SHOX: variants seen among roughly 807,000 people sequenced by gnomAD.
The protein encoded by SHOX is SHOX homeobox, also known as short stature homeobox protein.
SHOX carries 12 observed loss-of-function variants against 29.6 expected under a neutral mutation model. The observed-to-expected ratio is 0.41, with a 90% CI of 0.26 to 0.66. The LOEUF (loss-of-function observed/expected upper bound fraction) is 0.66. Ranked by LOEUF, SHOX falls within the 30% of genes least tolerant of loss-of-function variation. SHOX has a pLI of 0.35. For missense variants in SHOX, 499 were observed against 437.7 expected, an observed-to-expected ratio of 1.14 and a Z score of -1.25; for synonymous variants, 214 against 200.6, an observed-to-expected ratio of 1.07 and a Z score of -0.57.
upstream of SHOX, among the ~76,000 whole-genome samples, chrX:627,955 G>C (rs1408009532): frequency 1.3e-5 from 2 of 152,150 alleles, no homozygotes; most frequent in Non-Finnish European, 2.9e-5. Flanking sequence ...CAGAGGCAGA[G>C]ATGGGGAGGC....
chrX:635,626 G>C (rs1205500431), intron 2 of SHOX, among the ~76,000 whole-genome samples: 2 of 152,236 alleles, frequency 1.3e-5, no homozygotes, highest in African/African-American at 4.8e-5. Context: ...TGCCCCATGA[G>C]ACCAGGCACT....
Position 651,386 on chromosome X carries a change from G to A in SHOX, c.*6750G>A. ...TGTTATTGTCGGCAGGCGGTGAGGG[G>A]TAGAAAAAAAACAAACAAACAAACA... On this transcript the variant is annotated 3_prime_UTR_variant, in exon 5 of 5. Transcript: ENST00000686671. 2.2e-6 allele frequency: 1 copy of A among 449,902 alleles called. No homozygotes were observed. The highest frequency in any genetic ancestry group is 1.6e-5 in the South Asian group (1 of 63,684). 27.9% of individuals were successfully genotyped at this position (449,902 alleles called of 1,614,324 possible).
At chrX:652,340 A>ATTTTT (rs746162755), downstream of SHOX, among the ~76,000 whole-genome samples, 2 of 135,160 alleles carry the variant, frequency 1.5e-5, no homozygotes, top group African/African-American at 2.8e-5. Flanking sequence ...AAAATGACAA[A>ATTTTT]TTTTTTTTTT....
At chrX:627,551 G>A (rs1250946621), upstream of SHOX, among the ~76,000 whole-genome samples, 2 of 152,226 alleles carry the variant, frequency 1.3e-5, no homozygotes, top group Admixed American at 1.3e-4. Context: ...GGCAGAAAGT[G>A]TGCCATGAAT....
intron 4 of SHOX, among the ~76,000 whole-genome samples, chrX:643,486 CCTTGGGGACCTGGTGACCTTGGAGAGG>C (rs2052901471): frequency 1.9e-5 from 2 of 104,776 alleles, no homozygotes; most frequent in East Asian, 3.1e-4. Context: ...CTGGGGAGAG[CCTTGGGGACCTGGTGACCTTGGAGAGG>C]CTTGGGGACC....
In SHOX at chrX:644,654, C is replaced by G. The variant is rs770319928; in HGVS notation, c.*18C>G. 1.4e-6 allele frequency: 2 copies of G among 1,441,362 alleles called. No individual in the cohort carries two copies. The highest frequency in any genetic ancestry group is 1.4e-5 in the South Asian group (1 of 71,076). 89.3% of individuals were successfully genotyped at this position (1,441,362 alleles called of 1,614,324 possible). A position where few individuals can be genotyped will look rare whatever the true frequency, so the allele number is the denominator to read the frequency against. On this transcript the variant is annotated 3_prime_UTR_variant, in exon 5 of 5. Coordinates refer to ENST00000686671, the MANE Select transcript of SHOX (RefSeq NM_000451.4). The stretch of plus-strand genomic sequence containing the variant: ...GGCTCTGACCCGCCGCGCAGCCCCC[C>G]GCGCGCCCGGACTCCCGGGCTCCGC...
downstream of SHOX, among the ~76,000 whole-genome samples, chrX:655,414 C>G (rs2053123256): frequency 6.6e-6 from 1 of 151,252 alleles, no homozygotes; most frequent in African/African-American, 2.4e-5. Context: ...AGACCAGCCT[C>G]AGCAACAAAG....
chrX:630,827 G>T lies in SHOX; in HGVS notation c.-71G>T. On this transcript the variant is annotated 5_prime_UTR_variant, in exon 1 of 5. Coordinates refer to ENST00000686671, the MANE Select transcript of SHOX (RefSeq NM_000451.4). ...CGCTGGTGATCCACCCGCGCGCACGGGCCGTCCTCTCCGCGCGGGGAGACG... is the reference window on the plus strand; with the variant it reads ...CGCTGGTGATCCACCCGCGCGCACGTGCCGTCCTCTCCGCGCGGGGAGACG... 3.8e-6 allele frequency: 6 copies of T among 1,584,036 alleles called. No homozygotes were observed. Among genetic ancestry groups the T allele is most frequent in the Non-Finnish European group, 5.2e-6 (6 of 1,156,612 alleles).
chrX:644,931 C>A lies in SHOX; in HGVS notation c.*295C>A. The A allele has an allele frequency of 2.4e-6, 1 of 419,838 alleles. No homozygotes were observed. 26.0% of individuals were successfully genotyped at this position (419,838 alleles called of 1,614,324 possible). A position where few individuals can be genotyped will look rare whatever the true frequency, so the allele number is the denominator to read the frequency against. ...TGGGACCCTGGAGAAGGGTAAACCC[C>A]CGCCTGGCTGCGTCTTCCTCTGCTA... On this transcript the variant is annotated 3_prime_UTR_variant, in exon 5 of 5. Transcript: ENST00000686671.
chrX:635,117 T>G (rs2052722471), intron 2 of SHOX, among the ~76,000 whole-genome samples: 1 of 152,112 alleles, frequency 6.6e-6, no homozygotes, highest in Non-Finnish European at 1.5e-5. Context: ...TTGTATATAT[T>G]ATAGATATTT....
In SHOX at chrX:651,091, G is replaced by A. The variant is rs1475188765; in HGVS notation, c.*6455G>A. ...CCCTGCTTCTTACTTTGTGATGTAT[G>A]TGCATTTGTTATTTATTTTTTTTTC... On this transcript the variant is annotated 3_prime_UTR_variant, in exon 5 of 5. Transcript: ENST00000686671. Among the ~76,000 whole-genome samples, 1 of 136,320 alleles carries A rather than the reference G, an allele frequency of 7.3e-6. No individual in the cohort carries two copies. Among genetic ancestry groups the A allele is most frequent in the African/African-American group, 2.7e-5 (1 of 37,070 alleles). 89.4% of individuals were successfully genotyped at this position (136,320 alleles called of 152,430 possible).
At chrX:638,707 C>G (rs1407730477) in intron 2 of SHOX, among the ~76,000 whole-genome samples, 1 of 152,194 alleles carries the variant, frequency 6.6e-6, no homozygotes, top group Non-Finnish European at 1.5e-5. Context: ...CTGGCTGCTC[C>G]CAAACTCTGA....
intron 2 of SHOX, among the ~76,000 whole-genome samples, chrX:635,082 T>G (rs1213108013): frequency 6.6e-6 from 1 of 152,012 alleles, no homozygotes; most frequent in Admixed American, 6.5e-5. Flanking sequence ...AACAAATAAA[T>G]ATATATGTTA....
At chrX:640,675 G>A (rs1359725880) in intron 2 of SHOX, 146 bp from the exon 3 acceptor site, 14 of 819,252 alleles carry the variant, frequency 1.7e-5, no homozygotes, top group East Asian at 1.2e-4. Flanking sequence ...ACAGAGGGGC[G>A]GTAAGTGTCT....
chrX:634,572 C>G (rs778034300), intron 1 of SHOX, 46 bp from the exon 2 acceptor site: 2 of 1,604,204 alleles, frequency 1.2e-6, no homozygotes, highest in Non-Finnish European at 1.7e-6. Flanking sequence ...CCACGTTGCG[C>G]AAAACCTCCC....
intron 2 of SHOX, among the ~76,000 whole-genome samples, chrX:639,260 C>T (rs2052808305): frequency 6.6e-6 from 1 of 152,336 alleles, no homozygotes; most frequent in South Asian, 2.1e-4. Flanking sequence ...AATGCCCCCA[C>T]CACAAAGCCT....
intron 1 of SHOX, among the ~76,000 whole-genome samples, 186 bp from the exon 2 acceptor site, chrX:634,432 G>C (rs1030130013): frequency 2.0e-5 from 3 of 152,356 alleles, no homozygotes; most frequent in Middle Eastern, 3.4e-3. Context: ...CTCGTGCAAA[G>C]CCCAGGTTTT....
At position 648,778 on chromosome X, in the gene SHOX, C is replaced by T. The variant is rs2053000787; in HGVS notation, c.*4142C>T. Among the ~76,000 whole-genome samples the T allele has an allele frequency of 1.3e-5, 2 of 151,934 alleles. No homozygotes were observed. The highest frequency in any genetic ancestry group is 6.6e-5 in the Admixed American group (1 of 15,228). On this transcript the variant is annotated 3_prime_UTR_variant, in exon 5 of 5. Transcript: ENST00000686671. ...GTGATCCCTGAATGAGTGTGGGGTA[C>T]GTGTATGCTAGCTGCTTCTTTCTCC...
downstream of SHOX, among the ~76,000 whole-genome samples, chrX:654,665 G>A (rs1450105532): frequency 6.6e-6 from 1 of 152,186 alleles, no homozygotes; most frequent in South Asian, 2.1e-4. Context: ...CTATTCAGCA[G>A]GCAAGAGGAT....
Sources: allele counts gnomAD v4.1 joint callset (sites outside exome capture counted in the v4.1 genomes callset), GRCh38; gene constraint gnomAD v4.1.1; transcripts MANE v1.5; gene names NCBI Gene and HGNC (gene_info 2026-07-23, HGNC 2026-07-21).